The following MAMDC2 variants were observed in gnomAD, a reference collection of about 807,000 sequenced individuals.
MAMDC2 encodes the protein MAM domain containing 2, also known as MAM domain-containing protein 2.
In MAMDC2, 57 loss-of-function variants were observed where a neutral mutation model predicts 89.8. That is an observed-to-expected ratio of 0.63 (90% CI 0.51 to 0.79). MAMDC2 has a LOEUF of 0.79. Ranked by LOEUF, MAMDC2 falls within the 30% of genes least tolerant of loss-of-function variation. The pLI, the probability that MAMDC2 is intolerant of heterozygous loss-of-function variation, is 0.00. For synonymous variants in MAMDC2, 313 were observed against 293.4 expected (o/e 1.07, Z -0.68); for missense variants, 800 against 820.6 (o/e 0.97, Z 0.31).
At chr9:70,103,202 C>T (rs1828241089) in intron 2 of MAMDC2, among the ~76,000 whole-genome samples, 1 of 152,144 alleles carries the variant, frequency 6.6e-6, no homozygotes, top group Non-Finnish European at 1.5e-5. Flanking sequence ...ACTGTTAAAA[C>T]ACTGAACTTT....
At chr9:70,218,248 T>C in intron 11 of MAMDC2, 89 bp from the exon 12 acceptor site, 4 of 1,406,998 alleles carry the variant, frequency 2.8e-6, no homozygotes, top group Non-Finnish European at 3.9e-6. Context: ...TCAGATCATC[T>C]TGACTTGACA....
intron 2 of MAMDC2, among the ~76,000 whole-genome samples, chr9:70,093,077 A>ATG (rs913412481): frequency 6.6e-6 from 1 of 152,090 alleles, no homozygotes; most frequent in Non-Finnish European, 1.5e-5. Context: ...ATATGTATAT[A>ATG]TGTGTGTGTG....
intron 6 of MAMDC2, among the ~76,000 whole-genome samples, chr9:70,129,189 G>C (rs1318360052): frequency 1.3e-5 from 2 of 152,176 alleles, no homozygotes; most frequent in African/African-American, 4.8e-5. Context: ...CCCAGTGGGA[G>C]GTAATTAAAT....
intron 9 of MAMDC2, among the ~76,000 whole-genome samples, chr9:70,162,723 A>G: frequency 6.6e-6 from 1 of 151,996 alleles, no homozygotes; most frequent in East Asian, 1.9e-4. Context: ...AACTGGCTGC[A>G]ATCTGCCTGC....
rs920115551 is a variant in MAMDC2, at chr9:70,226,094, C to G, written c.*62C>G. On this transcript the variant is annotated 3_prime_UTR_variant, in exon 14 of 14. Coordinates refer to ENST00000377182, the MANE Select transcript of MAMDC2 (RefSeq NM_153267.5). ...TACCTCTCTTCAATCAAAATGAAAA[C>G]AAAGCAAATGAATACTGGACAGTCT... The G allele has an allele frequency of 5.1e-6, 5 of 989,454 alleles. No homozygotes were observed. Among genetic ancestry groups the G allele is most frequent in the Admixed American group, 2.4e-5 (1 of 41,972 alleles). 61.3% of individuals were successfully genotyped at this position (989,454 alleles called of 1,614,324 possible).
At chr9:70,132,315 T>A (rs1269946106) in intron 7 of MAMDC2, among the ~76,000 whole-genome samples, 4 of 152,166 alleles carry the variant, frequency 2.6e-5, no homozygotes, top group Non-Finnish European at 5.9e-5. Flanking sequence ...ATAACCCAGA[T>A]AAATAAAATT....
chr9:70,140,012 A>C, intron 7 of MAMDC2, 133 bp from the exon 8 acceptor site: 1 of 858,814 alleles, frequency 1.2e-6, no homozygotes, highest in Admixed American at 3.7e-5. Flanking sequence ...CCTTTGGATA[A>C]AGATATTTAG....
chr9:70,119,933 A>G (rs1043244153), intron 5 of MAMDC2, among the ~76,000 whole-genome samples: 2 of 152,218 alleles, frequency 1.3e-5, no homozygotes, highest in Admixed American at 6.5e-5. Context: ...GTCATGGCCA[A>G]TGGGGGATCC....
intron 12 of MAMDC2, among the ~76,000 whole-genome samples, chr9:70,221,380 T>TATATATATATATATAGAGAGAGAGAGAG: frequency 7.1e-4 from 5 of 7,036 alleles, no homozygotes; most frequent in Non-Finnish European, 1.3e-3. Flanking sequence ...TATATATATA[T>TATATATATATATATAGAGAGAGAGAGAG]AGAGAGAGAG....
intron 2 of MAMDC2, chr9:70,088,760 G>T (rs1474937109): frequency 1.3e-5 from 2 of 151,726 alleles, no homozygotes; most frequent in Non-Finnish European, 2.9e-5. Context: ...TACAGTTAAA[G>T]AAAAATATTA....
intron 2 of MAMDC2, among the ~76,000 whole-genome samples, chr9:70,097,373 A>C (rs538904315): frequency 6.6e-6 from 1 of 152,322 alleles, no homozygotes; most frequent in South Asian, 2.1e-4. Flanking sequence ...TTGCGTAATG[A>C]ATTTCCTGAG....
chr9:70,221,786 A>C (rs553709937), intron 12 of MAMDC2, among the ~76,000 whole-genome samples: 2 of 152,178 alleles, frequency 1.3e-5, no homozygotes, highest in East Asian at 3.9e-4. Context: ...TATCAATTAA[A>C]AATAATATTA....
intron 9 of MAMDC2, among the ~76,000 whole-genome samples, chr9:70,156,535 C>T (rs1175946730): frequency 6.6e-6 from 1 of 152,108 alleles, no homozygotes; most frequent in African/African-American, 2.4e-5. Flanking sequence ...ATATTAATGT[C>T]CCAGCATTAT....
chr9:70,203,080 G>T (rs2033138574), intron 11 of MAMDC2, among the ~76,000 whole-genome samples: 2 of 151,976 alleles, frequency 1.3e-5, no homozygotes, highest in African/African-American at 4.8e-5. Flanking sequence ...TGTTATGTGT[G>T]AATTTGATCC....
At position 70,226,295 on chromosome 9, in the gene MAMDC2, A is replaced by C. The variant is rs922602290; in HGVS notation, c.*263A>C. 1 of 251,916 alleles carries C rather than the reference A, an allele frequency of 4.0e-6. No individual in the cohort carries two copies. Among genetic ancestry groups the C allele is most frequent in the Non-Finnish European group, 7.5e-6 (1 of 132,908 alleles). The allele number at this position is 251,916 out of a possible 1,614,324, so 15.6% of individuals were successfully genotyped here. A position where few individuals can be genotyped will look rare whatever the true frequency, so the allele number is the denominator to read the frequency against. On this transcript the variant is annotated 3_prime_UTR_variant, in exon 14 of 14. Transcript: ENST00000377182. ...TAATTTTGGTACCAGTTAAAAATAC[A>C]AATGTACTATATTGTAGTCATTTTA...
At chr9:70,204,245 CCTTT>C (rs1156426903) in intron 11 of MAMDC2, among the ~76,000 whole-genome samples, 4 of 149,376 alleles carry the variant, frequency 2.7e-5, no homozygotes, top group African/African-American at 4.9e-5. Flanking sequence ...GTGTGGATGT[CCTTT>C]CTGTTTGTTA....
rs746477139 is a variant in MAMDC2 at position 70,108,192 on chromosome 9, TG to T, written c.149-18del. 1.8e-5 allele frequency: 27 copies of T among 1,534,096 alleles called. No individual in the cohort carries two copies. Among genetic ancestry groups the T allele is most frequent in the Non-Finnish European group, 2.3e-5 (26 of 1,143,126 alleles). On this transcript the variant is annotated intron_variant, in intron 2 of 13. Transcript: ENST00000377182. ...CAAACAAAAATTGATCCTTTTCCTA[TG>T]TTCCTTTCTCTTTCCAGGCCATTAC...
At chr9:70,110,652 T>G (rs1828485625) in intron 4 of MAMDC2, among the ~76,000 whole-genome samples, 1 of 151,968 alleles carries the variant, frequency 6.6e-6, no homozygotes, top group Admixed American at 6.6e-5. Flanking sequence ...ATGCAGGATG[T>G]GGAGCTTGGA....
intron 12 of MAMDC2, among the ~76,000 whole-genome samples, chr9:70,222,284 A>G (rs1207980257): frequency 1.3e-5 from 2 of 152,196 alleles, no homozygotes; most frequent in Admixed American, 6.5e-5. Flanking sequence ...AAGAAAATTA[A>G]TAGACTTCTG....
Sources: allele counts gnomAD v4.1 joint callset (sites outside exome capture counted in the v4.1 genomes callset), GRCh38; gene constraint gnomAD v4.1.1; transcripts MANE v1.5; gene names NCBI Gene and HGNC (gene_info 2026-07-23, HGNC 2026-07-21).